The following VSNL1 variants were observed in gnomAD, a reference collection of about 807,000 sequenced individuals.
VSNL1 encodes the protein visinin like 1, also known as visinin-like protein 1.
A neutral mutation model predicts 20.4 loss-of-function variants in VSNL1; 6 were observed. That is an observed-to-expected ratio of 0.29 (90% CI 0.16 to 0.58). The LOEUF is 0.58. VSNL1 is among the 20% of genes least tolerant of loss of function. The pLI, the probability that VSNL1 is intolerant of heterozygous loss-of-function variation, is 0.90. For synonymous variants in VSNL1, 93 were observed against 86.4 expected, an observed-to-expected ratio of 1.08 and a Z score of -0.42; for missense variants, 100 against 234.5, an observed-to-expected ratio of 0.43 and a Z score of 3.75.
At chr2:17,591,406 C>T (rs755556111) in intron 1 of VSNL1, among the ~76,000 whole-genome samples, 17 of 152,128 alleles carry the variant, frequency 1.1e-4, no homozygotes, top group Non-Finnish European at 1.9e-4. Context: ...GGAATAATAT[C>T]AACAAAAACT....
intron 1 of VSNL1, among the ~76,000 whole-genome samples, chr2:17,575,228 CA>C (rs1409624328): frequency 1.3e-5 from 2 of 152,204 alleles, no homozygotes; most frequent in East Asian, 3.9e-4. Flanking sequence ...GGTCACCTCC[CA>C]ACCCGGGAGG....
chr2:17,600,102 A>G (rs1376353220), intron 2 of VSNL1, among the ~76,000 whole-genome samples: 1 of 152,230 alleles, frequency 6.6e-6, no homozygotes, highest in African/African-American at 2.4e-5. Context: ...CTGTTCTGCA[A>G]CCTGAATACA....
At chr2:17,628,319 G>A (rs941811928) in intron 2 of VSNL1, among the ~76,000 whole-genome samples, 1 of 152,178 alleles carries the variant, frequency 6.6e-6, no homozygotes, top group Non-Finnish European at 1.5e-5. Context: ...TGAAGAATTT[G>A]AATAAAAACA....
chr2:17,626,681 C>G (rs1188958910), intron 2 of VSNL1, among the ~76,000 whole-genome samples: 1 of 151,666 alleles, frequency 6.6e-6, no homozygotes, highest in South Asian at 2.1e-4. Context: ...TAGACCCTAT[C>G]AACTTATGGC....
At chr2:17,579,117 T>C (rs1428779826) in intron 1 of VSNL1, among the ~76,000 whole-genome samples, 4 of 152,050 alleles carry the variant, frequency 2.6e-5, no homozygotes, top group South Asian at 4.1e-4. Context: ...TCTTTCTTTT[T>C]TTTTATTTTT....
At chr2:17,645,360 T>A (rs1444978854) in intron 2 of VSNL1, among the ~76,000 whole-genome samples, 2 of 152,246 alleles carry the variant, frequency 1.3e-5, no homozygotes, top group Non-Finnish European at 2.9e-5. Context: ...GCCTCCTCCA[T>A]CACATTGAGG....
intron 3 of VSNL1, among the ~76,000 whole-genome samples, chr2:17,654,297 T>A (rs1666179676): frequency 6.6e-6 from 1 of 152,190 alleles, no homozygotes; most frequent in South Asian, 2.1e-4. Context: ...ATAATTGAAA[T>A]CTTCTCACTC....
intron 1 of VSNL1, among the ~76,000 whole-genome samples, chr2:17,588,767 A>G (rs1664532639): frequency 6.6e-6 from 1 of 152,188 alleles, no homozygotes; most frequent in South Asian, 2.1e-4. Flanking sequence ...GTTAAATGAA[A>G]TATTTCTCCC....
intron 1 of VSNL1, among the ~76,000 whole-genome samples, chr2:17,545,693 CT>C (rs2103334818): frequency 6.6e-6 from 1 of 152,178 alleles, no homozygotes; most frequent in African/African-American, 2.4e-5. Context: ...AGAACTTTTA[CT>C]AATGGAAGGG....
chr2:17,584,390 A>G (rs1427410271), intron 1 of VSNL1, among the ~76,000 whole-genome samples: 3 of 152,096 alleles, frequency 2.0e-5, no homozygotes, highest in Non-Finnish European at 4.4e-5. Flanking sequence ...AAGGAGGCAG[A>G]TGGCAGTTGC....
chr2:17,556,423 A>T (rs1323680347), intron 1 of VSNL1, among the ~76,000 whole-genome samples: 1 of 152,230 alleles, frequency 6.6e-6, no homozygotes, highest in Non-Finnish European at 1.5e-5. Context: ...ACATCATGAT[A>T]GAAGGAAAAT....
chr2:17,546,413 T>G lies in VSNL1; in HGVS notation c.-6+5495T>G, dbSNP rs564374975. On this transcript the variant is annotated intron_variant, in intron 1 of 3. Transcript: ENST00000295156. ...GGAGCTTTATGTAAATAGTTTTTTG[T>G]TTTTTTTGGCAAATCATTAACATGT... is the stretch of plus-strand genomic sequence containing the variant. 2.0e-4 allele frequency among the ~76,000 whole-genome samples: 16 copies of G among 80,296 alleles called. 1 individual carries two copies. The highest frequency in any genetic ancestry group is 4.6e-4 in the African/African-American group (14 of 30,642). The allele number at this position is 80,296 out of a possible 152,430, so 52.7% of individuals were successfully genotyped here.
chr2:17,581,848 G>C (rs1664358605), intron 1 of VSNL1, among the ~76,000 whole-genome samples: 1 of 152,160 alleles, frequency 6.6e-6, no homozygotes, highest in Admixed American at 6.5e-5. Context: ...AACATTTCCT[G>C]GGTATCTGTT....
At chr2:17,606,278 C>G (rs1342057305) in intron 2 of VSNL1, among the ~76,000 whole-genome samples, 3 of 151,504 alleles carry the variant, frequency 2.0e-5, no homozygotes, top group East Asian at 1.9e-4. Context: ...CCAAGTGGCT[C>G]CTAGGATGAA....
intron 1 of VSNL1, among the ~76,000 whole-genome samples, chr2:17,553,145 T>A (rs1663585167): frequency 6.6e-6 from 1 of 152,114 alleles, no homozygotes; most frequent in Admixed American, 6.5e-5. Flanking sequence ...GTGGCCTTCT[T>A]ATTAAGAGGA....
At chr2:17,619,910 A>C in intron 2 of VSNL1, among the ~76,000 whole-genome samples, 1 of 151,596 alleles carries the variant, frequency 6.6e-6, no homozygotes, top group Non-Finnish European at 1.5e-5. Flanking sequence ...CAGCAATGTT[A>C]CAGGGCCATT....
At chr2:17,584,638 A>C (rs1664427032) in intron 1 of VSNL1, among the ~76,000 whole-genome samples, 1 of 152,114 alleles carries the variant, frequency 6.6e-6, no homozygotes, top group African/African-American at 2.4e-5. Flanking sequence ...AAGACAGCTC[A>C]GGTGGAAACT....
intron 2 of VSNL1, among the ~76,000 whole-genome samples, chr2:17,622,736 T>C (rs1477360085): frequency 2.0e-5 from 3 of 152,244 alleles, no homozygotes; most frequent in African/African-American, 7.2e-5. Flanking sequence ...GAAAATGGAA[T>C]TCACTGGGTG....
intron 1 of VSNL1, among the ~76,000 whole-genome samples, chr2:17,585,942 G>A (rs1022214275): frequency 1.3e-5 from 2 of 151,834 alleles, no homozygotes; most frequent in African/African-American, 2.4e-5. Context: ...CCGAGTAGCT[G>A]GGATTACAGG....
Sources: gnomAD v4.1 joint callset for allele counts (sites outside exome capture counted in the v4.1 genomes callset) on GRCh38, gnomAD v4.1.1 for gene constraint, MANE v1.5 for transcripts, NCBI Gene and HGNC (gene_info 2026-07-23, HGNC 2026-07-21) for gene names.